Variants in LAMA2 observed in about 807,000 individuals in gnomAD.
LAMA2 encodes laminin subunit alpha 2.
In LAMA2, 269 loss-of-function variants were observed where a neutral mutation model predicts 364.8. That is an observed-to-expected ratio of 0.74 (90% CI 0.67 to 0.82). The LOEUF is 0.82. LAMA2 is among the 40% of genes least tolerant of loss of function. LAMA2 has a pLI of 0.00. For synonymous variants in LAMA2, 1,379 were observed against 1,370.6 expected (o/e 1.01, Z -0.14); for missense variants, 3,807 against 3,873.2 (o/e 0.98, Z 0.45).
chr6:129,355,183 G>T (rs1223242690), intron 32 of LAMA2, among the ~76,000 whole-genome samples: 1 of 152,204 alleles, frequency 6.6e-6, no homozygotes, highest in East Asian at 1.9e-4. Context: ...TTATAATTAT[G>T]CTGTATAGAT....
chr6:129,390,640 C>T (rs1779267111), intron 35 of LAMA2, among the ~76,000 whole-genome samples: 1 of 151,908 alleles, frequency 6.6e-6, no homozygotes, highest in Non-Finnish European at 1.5e-5. Context: ...AAAAAATGTC[C>T]TATAGAACAC....
At chr6:129,388,885 T>C (rs142176702) in intron 35 of LAMA2, among the ~76,000 whole-genome samples, 111 of 152,266 alleles carry the variant, frequency 7.3e-4, no homozygotes, top group African/African-American at 2.6e-3. Flanking sequence ...GATAGTACCA[T>C]AGGTAGAGCC....
rs996293231 is a variant in LAMA2, at chr6:129,492,586, G to A, written c.8244+103G>A. 7 of 1,047,850 alleles carry A rather than the reference G, an allele frequency of 6.7e-6. No homozygotes were observed. In the African/African-American group the frequency reaches 1.1e-4, roughly 17 times the overall value. 64.9% of individuals were successfully genotyped at this position (1,047,850 alleles called of 1,614,324 possible). A position where few individuals can be genotyped will look rare whatever the true frequency, so the allele number is the denominator to read the frequency against. On this transcript the variant is annotated intron_variant, in intron 58 of 64. Coordinates refer to ENST00000421865, the MANE Select transcript of LAMA2 (RefSeq NM_000426.4). ...GGATATCTAGTACACTCTGATATTA[G>A]AATTGAAAGAAATATAACCTATCTA... is the stretch of plus-strand genomic sequence containing the variant.
Position 129,486,593 on chromosome 6 carries a change from A to G in LAMA2, c.7869A>G (p.Glu2623=), listed in dbSNP as rs140658201. Residue 2623 remains glutamate (E), a synonymous_variant, in exon 56 of 65, where the codon GAA becomes GAG. Coordinates refer to ENST00000421865, the MANE Select transcript of LAMA2 (RefSeq NM_000426.4). ...PEPNLFHDGR[E]HSVHVERTRG... Reference sequence around the variant, plus strand: ...CGAATCTGTTTCATGATGGAAGAGAACATTCCGTTCATGTAGAGCGAACTA... The same window carrying G: ...CGAATCTGTTTCATGATGGAAGAGAGCATTCCGTTCATGTAGAGCGAACTA... The G allele has an allele frequency of 1.1e-4, 181 of 1,613,920 alleles. No individual in the cohort carries two copies. The African/African-American group carries it at 2.3e-3, about 20-fold the overall frequency.
intron 37 of LAMA2, among the ~76,000 whole-genome samples, chr6:129,394,697 G>C (rs143071357): frequency 6.6e-6 from 1 of 152,138 alleles, no homozygotes; most frequent in East Asian, 1.9e-4. Context: ...TATGGCAACC[G>C]TTTGATAAAT....
chr6:129,098,622 A>G (rs1052807600), intron 4 of LAMA2, among the ~76,000 whole-genome samples: 1 of 152,216 alleles, frequency 6.6e-6, no homozygotes, highest in Non-Finnish European at 1.5e-5. Context: ...TCTCCAGTAA[A>G]GATCAGAGAA....
intron 1 of LAMA2, among the ~76,000 whole-genome samples, chr6:128,916,077 ACT>A (rs922831799): frequency 6.6e-6 from 1 of 152,134 alleles, no homozygotes; most frequent in African/African-American, 2.4e-5. Flanking sequence ...CTATTATCTA[ACT>A]GCTGTGCTGT....
intron 3 of LAMA2, among the ~76,000 whole-genome samples, chr6:129,094,435 G>A (rs546892852): frequency 2.6e-4 from 39 of 152,312 alleles, no homozygotes; most frequent in Middle Eastern, 3.4e-3. Flanking sequence ...ATTATAGAAA[G>A]AGTCTGTGGG....
chr6:129,269,756 A>G (rs1423669956), intron 16 of LAMA2, among the ~76,000 whole-genome samples: 1 of 152,108 alleles, frequency 6.6e-6, no homozygotes, highest in Non-Finnish European at 1.5e-5. Context: ...AGGAAGTAAA[A>G]CAAAAATCAA....
intron 15 of LAMA2, among the ~76,000 whole-genome samples, chr6:129,264,554 T>C (rs529343313): frequency 4.9e-4 from 74 of 152,192 alleles, no homozygotes; most frequent in African/African-American, 1.7e-3. Context: ...TGGAACTGAA[T>C]AAAATTACCC....
chr6:129,495,710 G>T (rs77802019), intron 58 of LAMA2, among the ~76,000 whole-genome samples: 3,665 of 151,996 alleles, frequency 0.024, 64 homozygotes, highest in African/African-American at 0.055. Context: ...TACACAAACT[G>T]CATTTTATAG....
Position 129,315,940 on chromosome 6 carries a change from A to C in LAMA2, c.3914A>C (p.Glu1305Ala). Reference protein sequence around the residue: ...LIGQLTRHEIEMTEKEWKYYG... With the variant: ...LIGQLTRHEIAMTEKEWKYYG... ...GGCCAATTGACAAGGCATGAAATTG[A>C]AATGACAGAGGTAAAGTTAGTCATT... is the stretch of plus-strand genomic sequence containing the variant. Residue 1305 changes from glutamate (E) to alanine (A), a missense_variant, in exon 26 of 65, where the codon GAA (glutamate) becomes GCA (alanine). Transcript: ENST00000421865. 6.2e-7 allele frequency: 1 copy of C among 1,614,148 alleles called. No homozygotes were observed. Among genetic ancestry groups the C allele is most frequent in the Middle Eastern group, 1.7e-4 (1 of 6,060 alleles).
At chr6:129,292,474 A>G (rs1176297292) in intron 20 of LAMA2, among the ~76,000 whole-genome samples, 1 of 152,228 alleles carries the variant, frequency 6.6e-6, no homozygotes, top group African/African-American at 2.4e-5. Flanking sequence ...GAAGTTAATC[A>G]AGATATTTTT....
chr6:129,186,877 T>C (rs2115029140), intron 10 of LAMA2, among the ~76,000 whole-genome samples: 1 of 151,888 alleles, frequency 6.6e-6, no homozygotes, highest in African/African-American at 2.4e-5. Context: ...TCCTACTTCC[T>C]TTGCTATAAT....
At chr6:129,032,950 C>T (rs774256103) in intron 1 of LAMA2, among the ~76,000 whole-genome samples, 4 of 152,062 alleles carry the variant, frequency 2.6e-5, no homozygotes, top group Non-Finnish European at 5.9e-5. Context: ...GGGATTAGAA[C>T]GCTGAAAACC....
chr6:129,446,923 T>C (rs1782415030), intron 45 of LAMA2, among the ~76,000 whole-genome samples: 1 of 152,124 alleles, frequency 6.6e-6, no homozygotes, highest in Non-Finnish European at 1.5e-5. Context: ...GAAGATGATG[T>C]TACATAAGAT....
At chr6:129,349,007 G>A (rs1776713091) in intron 30 of LAMA2, among the ~76,000 whole-genome samples, 3 of 152,092 alleles carry the variant, frequency 2.0e-5, no homozygotes, top group African/African-American at 7.2e-5. Flanking sequence ...TTTGCTGGAT[G>A]TTTAGTATAT....
intron 9 of LAMA2, among the ~76,000 whole-genome samples, chr6:129,172,342 G>A (rs1780229778): frequency 1.3e-5 from 2 of 152,210 alleles, no homozygotes; most frequent in African/African-American, 2.4e-5. Flanking sequence ...GTGATGTACA[G>A]ATGGGTTTTT....
intron 1 of LAMA2, among the ~76,000 whole-genome samples, chr6:128,889,358 A>T (rs531904638): frequency 6.6e-5 from 10 of 152,162 alleles, no homozygotes; most frequent in Non-Finnish European, 1.3e-4. Context: ...GAAATTTGAA[A>T]TGCTACCTGT....
Sources: allele counts gnomAD v4.1 joint callset (sites outside exome capture counted in the v4.1 genomes callset), GRCh38; gene constraint gnomAD v4.1.1; transcripts MANE v1.5; gene names NCBI Gene and HGNC (gene_info 2026-07-23, HGNC 2026-07-21).